The following NRG1 variants were observed in gnomAD, a reference collection of about 807,000 sequenced individuals.
The protein encoded by NRG1 is pro-neuregulin-1, membrane-bound isoform.
Under a neutral mutation model 63.8 loss-of-function variants are expected in NRG1, and 18 were observed. That is an observed-to-expected ratio of 0.28 (90% CI 0.19 to 0.42). The LOEUF is 0.42. Ranked by LOEUF, NRG1 falls within the 10% of genes least tolerant of loss-of-function variation. NRG1 has a pLI of 1.00. For synonymous variants in NRG1, 302 were observed against 301.3 expected (o/e 1.00, Z -0.02); for missense variants, 762 against 814.7 (o/e 0.94, Z 0.79).
chr8:32,272,324 A>G (rs1306646426), intron 1 of NRG1, among the ~76,000 whole-genome samples: 2 of 152,098 alleles, frequency 1.3e-5, no homozygotes, highest in Non-Finnish European at 2.9e-5. Context: ...TAAGGATGCT[A>G]TATTCCATCA....
intron 1 of NRG1, among the ~76,000 whole-genome samples, chr8:32,455,846 G>A (rs905248431): frequency 9.2e-5 from 14 of 152,188 alleles, no homozygotes; most frequent in African/African-American, 3.1e-4. Flanking sequence ...GGAGTGCAGT[G>A]GAATGATCTC....
At chr8:31,924,981 G>A (rs1563574073) in intron 1 of NRG1, among the ~76,000 whole-genome samples, 1 of 151,060 alleles carries the variant, frequency 6.6e-6, no homozygotes, top group Non-Finnish European at 1.5e-5. Flanking sequence ...TATGATTTTG[G>A]TGCTTTAAAA....
At chr8:32,420,521 A>ATCTC (rs200897595) in intron 1 of NRG1, among the ~76,000 whole-genome samples, 3 of 145,784 alleles carry the variant, frequency 2.1e-5, no homozygotes, top group South Asian at 2.2e-4. Context: ...GACCACCCTC[A>ATCTC]TCTCTCTCTC....
chr8:31,721,521 G>T (rs951358711), intron 1 of NRG1, among the ~76,000 whole-genome samples: 14 of 152,122 alleles, frequency 9.2e-5, no homozygotes, highest in African/African-American at 3.4e-4. Context: ...ACGTTTGAGA[G>T]CATCACCTCC....
intron 1 of NRG1, among the ~76,000 whole-genome samples, chr8:32,282,196 C>T (rs755673260): frequency 1.1e-4 from 16 of 152,294 alleles, no homozygotes; most frequent in Middle Eastern, 3.4e-3. Flanking sequence ...GCATTTGTGC[C>T]TTTGGTGGAC....
At chr8:31,832,557 C>T (rs1029225780) in intron 1 of NRG1, among the ~76,000 whole-genome samples, 6 of 152,094 alleles carry the variant, frequency 3.9e-5, no homozygotes, top group Non-Finnish European at 8.8e-5. Flanking sequence ...TCGTGCCCAA[C>T]CATAGATTTT....
chr8:32,519,035 A>G (rs1343916290), intron 1 of NRG1, among the ~76,000 whole-genome samples: 1 of 152,188 alleles, frequency 6.6e-6, no homozygotes, highest in East Asian at 1.9e-4. Flanking sequence ...TTATTATAAT[A>G]GCAATGTATC....
At chr8:32,710,402 T>C (rs1817521469) in intron 5 of NRG1, among the ~76,000 whole-genome samples, 1 of 152,212 alleles carries the variant, frequency 6.6e-6, no homozygotes, top group African/African-American at 2.4e-5. Context: ...TCAGAGATCT[T>C]ATGCAAATAT....
intron 1 of NRG1, among the ~76,000 whole-genome samples, chr8:31,960,377 G>A (rs999669576): frequency 6.6e-6 from 1 of 151,998 alleles, no homozygotes; most frequent in Non-Finnish European, 1.5e-5. Flanking sequence ...AGACGCTCAG[G>A]GATTCTACAC....
At chr8:32,724,405 G>GC (rs974208571) in intron 5 of NRG1, among the ~76,000 whole-genome samples, 6 of 151,970 alleles carry the variant, frequency 3.9e-5, no homozygotes, top group East Asian at 1.9e-4. Context: ...ACTCCTCCCA[G>GC]CCCCCCCAGA....
chr8:31,768,073 C>T (rs1267317065), intron 1 of NRG1, among the ~76,000 whole-genome samples: 1 of 152,028 alleles, frequency 6.6e-6, no homozygotes, highest in Non-Finnish European at 1.5e-5. Flanking sequence ...TTAGGATATA[C>T]TTTCATCACA....
At chr8:32,675,848 CT>C (rs1806947934) in intron 5 of NRG1, among the ~76,000 whole-genome samples, 1 of 152,224 alleles carries the variant, frequency 6.6e-6, no homozygotes, top group African/African-American at 2.4e-5. Flanking sequence ...TAAACACATA[CT>C]TTTTTGTATG....
At chr8:32,639,111 A>C (rs2129545391) in intron 5 of NRG1, among the ~76,000 whole-genome samples, 1 of 152,316 alleles carries the variant, frequency 6.6e-6, no homozygotes, top group South Asian at 2.1e-4. Context: ...TTTCAGGTTT[A>C]GAAATGTGAA....
rs1042476624 is a variant in NRG1, at chr8:31,899,615, C to G, written c.37+260184C>G. The stretch of plus-strand genomic sequence containing the variant: ...TACCAGCTAATTTATTAGATATACC[C>G]TATGCTTCCATTGTGCAAACCTCAG... On this transcript the variant is annotated intron_variant, in intron 1 of 10. Coordinates refer to the NRG1 transcript ENST00000519301. Among the ~76,000 whole-genome samples the G allele has an allele frequency of 3.9e-5, 6 of 152,214 alleles. No homozygotes were observed. In the South Asian group the frequency reaches 1.0e-3, roughly 26 times the overall value.
chr8:32,589,728 C>G (rs1275919066), intron 1 of NRG1, among the ~76,000 whole-genome samples: 1 of 152,084 alleles, frequency 6.6e-6, no homozygotes, highest in Non-Finnish European at 1.5e-5. Flanking sequence ...CTGTTCTTAA[C>G]AATACAGTAC....
At chr8:31,639,398 G>C in exon 1 of NRG1, 1 of 1,534,826 alleles carries the variant, frequency 6.5e-7, no homozygotes, top group Non-Finnish European at 8.7e-7. Context: ...CAGCAGCATG[G>C]GGAAAGGACG....
chr8:31,749,305 A>C (rs1289103107), intron 1 of NRG1, among the ~76,000 whole-genome samples: 1 of 151,904 alleles, frequency 6.6e-6, no homozygotes, highest in Non-Finnish European at 1.5e-5. Context: ...TCTAGAAAAA[A>C]TAAATGATCA....
chr8:31,869,098 A>G (rs1377782580), intron 1 of NRG1, among the ~76,000 whole-genome samples: 1 of 152,208 alleles, frequency 6.6e-6, no homozygotes, highest in Non-Finnish European at 1.5e-5. Context: ...CTTTGATGAT[A>G]AGGCTGGGAT....
chr8:31,653,817 C>T (rs1384105241), intron 1 of NRG1, among the ~76,000 whole-genome samples: 1 of 152,192 alleles, frequency 6.6e-6, no homozygotes, highest in Non-Finnish European at 1.5e-5. Flanking sequence ...GAGGGTCAGG[C>T]CACATTCACT....
Sources: gnomAD v4.1 joint callset for allele counts (sites outside exome capture counted in the v4.1 genomes callset) on GRCh38, gnomAD v4.1.1 for gene constraint, MANE v1.5 for transcripts, NCBI Gene and HGNC (gene_info 2026-07-23, HGNC 2026-07-21) for gene names.